GRIN2B: variants seen among roughly 807,000 people sequenced by gnomAD.
The protein encoded by GRIN2B is glutamate receptor ionotropic, NMDA 2B.
GRIN2B carries 5 observed loss-of-function variants against 114.5 expected under a neutral mutation model. The observed-to-expected ratio is 0.04, with a 90% CI of 0.02 to 0.09. GRIN2B has a LOEUF of 0.09. Ranked by LOEUF, GRIN2B falls within the 10% of genes least tolerant of loss-of-function variation. The pLI is 1.00. For missense variants in GRIN2B, 1,108 were observed against 1,943.5 expected (o/e 0.57, Z 8.08); for synonymous variants, 787 against 745.1 (o/e 1.06, Z -0.92).
intron 2 of GRIN2B, among the ~76,000 whole-genome samples, chr12:13,948,545 G>A (rs560911113): frequency 2.0e-5 from 3 of 152,210 alleles, no homozygotes; most frequent in Non-Finnish European, 2.9e-5. Context: ...TGATGCCAAA[G>A]ATTTCAACAC....
chr12:13,928,769 C>G (rs1228312205), intron 2 of GRIN2B, among the ~76,000 whole-genome samples: 1 of 152,156 alleles, frequency 6.6e-6, no homozygotes, highest in African/African-American at 2.4e-5. Flanking sequence ...CTTCAAACTG[C>G]AAAGGGTAAG....
At chr12:13,849,782 C>G (rs1865527946) in intron 3 of GRIN2B, among the ~76,000 whole-genome samples, 1 of 152,194 alleles carries the variant, frequency 6.6e-6, no homozygotes, top group African/African-American at 2.4e-5. Context: ...CAAATACACA[C>G]TGAGCACACC....
At chr12:13,800,152 A>C (rs1257658448) in intron 3 of GRIN2B, among the ~76,000 whole-genome samples, 1 of 152,156 alleles carries the variant, frequency 6.6e-6, no homozygotes, top group Non-Finnish European at 1.5e-5. Context: ...ATTCCCTTAA[A>C]GACCATTCTC....
At chr12:13,908,044 C>T (rs1164029047) in intron 2 of GRIN2B, among the ~76,000 whole-genome samples, 1 of 151,806 alleles carries the variant, frequency 6.6e-6, no homozygotes, top group Non-Finnish European at 1.5e-5. Flanking sequence ...GCATCCTCAC[C>T]CATCCTACAC....
chr12:13,786,474 T>G (rs1864223203), intron 3 of GRIN2B, among the ~76,000 whole-genome samples: 1 of 152,192 alleles, frequency 6.6e-6, no homozygotes, highest in South Asian at 2.1e-4. Flanking sequence ...TGAACTTATT[T>G]GCTTTTCAAG....
At position 13,694,678 on chromosome 12, in the gene GRIN2B, T is replaced by C. The variant is rs946135179; in HGVS notation, c.1011-18819A>G. 1.1e-3 allele frequency among the ~76,000 whole-genome samples: 114 copies of C among 102,576 alleles called. 2 individuals carry two copies. Among genetic ancestry groups the C allele is most frequent in the Admixed American group, 3.4e-3 (37 of 10,796 alleles). The allele number at this position is 102,576 out of a possible 152,430, so 67.3% of individuals were successfully genotyped here. On this transcript the variant is annotated intron_variant, in intron 4 of 13. Coordinates refer to ENST00000609686, the MANE Select transcript of GRIN2B (RefSeq NM_000834.5). The stretch of plus-strand genomic sequence containing the variant: ...TGTCATATATATATATATATATATA[T>C]ATATATATATATATATATATATATA...
intron 2 of GRIN2B, among the ~76,000 whole-genome samples, chr12:13,895,215 T>C (rs1866333387): frequency 6.6e-6 from 1 of 152,232 alleles, no homozygotes; most frequent in South Asian, 2.1e-4. Flanking sequence ...TCAGGATCAC[T>C]TGGCTGGCCA....
intron 5 of GRIN2B, among the ~76,000 whole-genome samples, chr12:13,669,476 AT>A (rs2136534876): frequency 6.6e-6 from 1 of 152,200 alleles, no homozygotes; most frequent in Admixed American, 6.5e-5. Flanking sequence ...AAACGGTGGT[AT>A]CAGGAGATCC....
At chr12:13,979,651 T>C (rs1303854082) in intron 2 of GRIN2B, among the ~76,000 whole-genome samples, 2 of 152,006 alleles carry the variant, frequency 1.3e-5, no homozygotes, top group East Asian at 1.9e-4. Flanking sequence ...TCTATAGATA[T>C]AGATACATTC....
chr12:13,613,014 A>C (rs188631935), intron 8 of GRIN2B, among the ~76,000 whole-genome samples: 8 of 152,354 alleles, frequency 5.3e-5, no homozygotes, highest in Non-Finnish European at 1.0e-4. Context: ...TCCCAAAGGA[A>C]TTGTAAAAGC....
chr12:13,846,462 T>C (rs956130657), intron 3 of GRIN2B, among the ~76,000 whole-genome samples: 1 of 152,244 alleles, frequency 6.6e-6, no homozygotes, highest in African/African-American at 2.4e-5. Context: ...CTTTGACAAA[T>C]GAGGTTGAGA....
At chr12:13,750,039 GC>G (rs1419630278) in intron 4 of GRIN2B, among the ~76,000 whole-genome samples, 2 of 152,188 alleles carry the variant, frequency 1.3e-5, no homozygotes, top group Non-Finnish European at 2.9e-5. Flanking sequence ...GGGAACTGGG[GC>G]AGTTTGCAGA....
chr12:13,868,815 T>A (rs1439138936), intron 2 of GRIN2B, among the ~76,000 whole-genome samples: 1 of 152,202 alleles, frequency 6.6e-6, no homozygotes, highest in Non-Finnish European at 1.5e-5. Context: ...ATACTCAGGA[T>A]ACAGCAAAGC....
At chr12:13,630,062 C>A (rs1249299584) in intron 5 of GRIN2B, among the ~76,000 whole-genome samples, 1 of 152,188 alleles carries the variant, frequency 6.6e-6, no homozygotes, top group Admixed American at 6.5e-5. Flanking sequence ...TCCTCAATGG[C>A]AGGGACTGAA....
At chr12:13,959,059 T>C (rs1867646921) in intron 2 of GRIN2B, among the ~76,000 whole-genome samples, 1 of 152,178 alleles carries the variant, frequency 6.6e-6, no homozygotes, top group Non-Finnish European at 1.5e-5. Flanking sequence ...TGTAAATTAA[T>C]GTAGGCCAAG....
In GRIN2B at chr12:13,563,138, G is replaced by T; in HGVS notation, c.4100C>A (p.Pro1367His). 14 of 1,614,212 alleles carry T rather than the reference G, an allele frequency of 8.7e-6. No homozygotes were observed. The highest frequency in any genetic ancestry group is 1.2e-5 in the Non-Finnish European group (14 of 1,180,044). Residue 1367 changes from proline (P) to histidine (H), a missense_variant, in exon 14 of 14, where the codon CCC becomes CAC. Transcript: ENST00000609686. ...CTTGCTGAGCATGTACCCGCCGCCGGGGTTGTTGTGGTGGTGATGTCCGGC... is the reference window on the plus strand; with the variant it reads ...CTTGCTGAGCATGTACCCGCCGCCGTGGTTGTTGTGGTGGTGATGTCCGGC... ...PTAGHHHHNN[P>H]GGGYMLSKSL...
At chr12:13,681,006 G>A (rs1217187778) in intron 4 of GRIN2B, among the ~76,000 whole-genome samples, 4 of 152,124 alleles carry the variant, frequency 2.6e-5, no homozygotes, top group East Asian at 1.9e-4. Context: ...AGGTTAAAGA[G>A]CCCTTCTGCC....
intron 5 of GRIN2B, among the ~76,000 whole-genome samples, chr12:13,670,082 G>A (rs993907262): frequency 6.6e-6 from 1 of 152,066 alleles, no homozygotes; most frequent in Non-Finnish European, 1.5e-5. Context: ...CTTCCCTCCA[G>A]TTGATCCATC....
intron 10 of GRIN2B, among the ~76,000 whole-genome samples, chr12:13,591,822 T>G (rs144975428): frequency 8.3e-4 from 126 of 152,320 alleles, no homozygotes; most frequent in African/African-American, 2.7e-3. Flanking sequence ...CTCCAACCTA[T>G]GAACACATTG....
Sources: allele counts gnomAD v4.1 joint callset (sites outside exome capture counted in the v4.1 genomes callset), GRCh38; gene constraint gnomAD v4.1.1; transcripts MANE v1.5; gene names NCBI Gene and HGNC (gene_info 2026-07-23, HGNC 2026-07-21).